The following FERMT3 variants were observed in gnomAD, a reference collection of about 807,000 sequenced individuals.
FERMT3 encodes the protein FERM domain containing kindlin 3.
In FERMT3, 33 loss-of-function variants were observed where a neutral mutation model predicts 80.8. The ratio of observed to expected loss-of-function variants is 0.41; its 90% CI spans 0.31 to 0.55. FERMT3 has a LOEUF of 0.55. Among genes scored for constraint, FERMT3 ranks in the 20% least tolerant of loss-of-function variants. The probability of loss-of-function intolerance (pLI) is 0.31; values close to 1 mark genes in which losing one functional copy is unlikely to be tolerated. For synonymous variants in FERMT3, 375 were observed against 372.2 expected (o/e 1.01, Z -0.09); for missense variants, 754 against 908.7 (o/e 0.83, Z 2.19).
chr11:64,223,873 AT>A lies in FERMT3; in HGVS notation c.*385del. On this transcript the variant is annotated 3_prime_UTR_variant, in exon 15 of 15. Transcript: ENST00000345728. ...TAAAATTTCTTTTTTATAAATTAAT[AT>A]TTTATTGTTGGATCCTCCTCCTTTC... 1.3e-6 allele frequency: 2 copies of A among 1,573,522 alleles called. No homozygotes were observed. Among genetic ancestry groups the A allele is most frequent in the Non-Finnish European group, 8.6e-7 (1 of 1,158,680 alleles).
At position 64,210,476 on chromosome 11, in the gene FERMT3, G is replaced by A. The variant is rs921304172; in HGVS notation, c.161-135G>A. 21 of 882,892 alleles carry A rather than the reference G, an allele frequency of 2.4e-5. No homozygotes were observed. Among genetic ancestry groups the A allele is most frequent in the South Asian group, 7.6e-5 (5 of 65,446 alleles). 54.7% of individuals were successfully genotyped at this position (882,892 alleles called of 1,614,324 possible). A position where few individuals can be genotyped will look rare whatever the true frequency, so the allele number is the denominator to read the frequency against. ...TTACCATGGGGTAGACCCCAGGCCCGCCCAGGCTGCCCCACTCTTGGCTTA... is the reference window on the plus strand; with the variant it reads ...TTACCATGGGGTAGACCCCAGGCCCACCCAGGCTGCCCCACTCTTGGCTTA... On this transcript the variant is annotated intron_variant, in intron 2 of 14. Transcript: ENST00000345728. This position sits in a 1 kb window ranked among gnomAD's most constrained non-coding sequence, Gnocchi z 4.3.
At chr11:64,217,371 G>C (rs1321084496) in intron 6 of FERMT3, among the ~76,000 whole-genome samples, 2 of 152,218 alleles carry the variant, frequency 1.3e-5, no homozygotes, top group Non-Finnish European at 2.9e-5. Context: ...TCAACATGGA[G>C]AAAGCCTGTA....
In FERMT3 at chr11:64,219,826, G is replaced by A. The variant is rs1946635175; in HGVS notation, c.1079+37G>A. 1.2e-6 allele frequency: 2 copies of A among 1,613,870 alleles called. No individual in the cohort carries two copies. The highest frequency in any genetic ancestry group is 2.2e-5 in the East Asian group (1 of 44,892). ...GCCAGAGTAGGCAGCCCTGCTGGAG[G>A]GGTTGGTCTGCATATGGAGGGAGGG... On this transcript the variant is annotated intron_variant, in intron 9 of 14. Transcript: ENST00000345728. This position sits in a 1 kb window ranked among gnomAD's most constrained non-coding sequence, Gnocchi z 4.0.
intron 6 of FERMT3, among the ~76,000 whole-genome samples, chr11:64,214,070 A>G (rs1449718936): frequency 6.6e-6 from 1 of 152,170 alleles, no homozygotes; most frequent in African/African-American, 2.4e-5. Flanking sequence ...TATGGCTGTA[A>G]ATAGTAACAC....
intron 12 of FERMT3, 120 bp from the exon 13 acceptor site, chr11:64,220,896 C>T (rs1414557344): frequency 1.9e-6 from 3 of 1,539,796 alleles, no homozygotes; most frequent in Non-Finnish European, 8.8e-7. Flanking sequence ...TTGGCGGCCC[C>T]ACGTGGGCAC....
At position 64,223,108 on chromosome 11, in the gene FERMT3, C is replaced by T. The variant is rs184609471; in HGVS notation, c.1731C>T (p.Ile577=). Residue 577 remains isoleucine (I), a synonymous_variant, in exon 14 of 15, where the codon ATC becomes ATT. Coordinates refer to ENST00000345728, the MANE Select transcript of FERMT3 (RefSeq NM_031471.6). The part of the protein sequence containing the change: ...LGIANNRLIR[I]DLAVGDVVKT... The stretch of plus-strand genomic sequence containing the variant: ...TCGCCAACAACCGACTGATCCGCAT[C>T]GACTTGGCCGTGGGCGACGTGGTCA... 14 of 1,613,956 alleles carry T rather than the reference C, an allele frequency of 8.7e-6. No individual in the cohort carries two copies. The highest frequency in any genetic ancestry group is 1.7e-5 in the Admixed American group (1 of 60,034).
chr11:64,208,618 C>T (rs1327819563), intron 2 of FERMT3, among the ~76,000 whole-genome samples: 1 of 152,224 alleles, frequency 6.6e-6, no homozygotes, highest in Non-Finnish European at 1.5e-5. Context: ...GGCTGCCGCA[C>T]AGAGGGCGCT....
rs1946649867 is a variant in FERMT3, at chr11:64,220,267, A to G, written c.1252A>G (p.Ile418Val). ...DVNVSGQKFC[I>V]KLLVPSPEGM... ...TAACGTCTCCGGCCAGAAGTTCTGC[A>G]TTAAACTCCTAGTGCCCTCCCCTGA... The change falls in exon 11 of 15, where the codon ATT becomes GTT. Residue 418 changes from isoleucine to valine, a missense_variant. Transcript: ENST00000345728. 1 of 1,613,816 alleles carries G rather than the reference A, an allele frequency of 6.2e-7. No homozygotes were observed. The highest frequency in any genetic ancestry group is 1.1e-5 in the South Asian group (1 of 91,086).
upstream of FERMT3, among the ~76,000 whole-genome samples, chr11:64,206,290 A>G (rs1946309680): frequency 6.6e-6 from 1 of 152,204 alleles, no homozygotes; most frequent in Non-Finnish European, 1.5e-5. Flanking sequence ...TCCTTGGTTG[A>G]TAGGGATAGC....
At chr11:64,217,649 C>T (rs946583144) in intron 6 of FERMT3, among the ~76,000 whole-genome samples, 3 of 152,220 alleles carry the variant, frequency 2.0e-5, no homozygotes, top group African/African-American at 7.2e-5. Context: ...TCAGCATCTC[C>T]AGAGAGTGAG....
chr11:64,221,221 A>C, intron 13 of FERMT3, 81 bp downstream of exon 13: 2 of 1,467,974 alleles, frequency 1.4e-6, no homozygotes, highest in South Asian at 1.1e-5. Flanking sequence ...CCACATCCCA[A>C]GAGTAGGTTC....
In FERMT3 at chr11:64,223,688, G is replaced by A. The variant is rs1591048392; in HGVS notation, c.*196G>A. 3 of 797,784 alleles carry A rather than the reference G, an allele frequency of 3.8e-6. No individual in the cohort carries two copies. The highest frequency in any genetic ancestry group is 6.0e-6 in the Non-Finnish European group (3 of 502,672). The allele number at this position is 797,784 out of a possible 1,614,324, so 49.4% of individuals were successfully genotyped here. On this transcript the variant is annotated 3_prime_UTR_variant, in exon 15 of 15. Coordinates refer to ENST00000345728, the MANE Select transcript of FERMT3 (RefSeq NM_031471.6). ...TACCATCACCCAGGCCAGGGATGGGGGTGGGGGTCCCTGAGCTCATGTGGT... is the reference window on the plus strand; with the variant it reads ...TACCATCACCCAGGCCAGGGATGGGAGTGGGGGTCCCTGAGCTCATGTGGT...
rs560195082 is a variant in FERMT3 at position 64,219,348 on chromosome 11, C to T, written c.884C>T (p.Ala295Val). ...ACCGAGGAGGAGATGATGGTGTTTG[C>T]CGCCCTGCAGGTACCAGGCGGGCCT... Reference protein sequence around the residue: ...DCTEEEMMVFAALQYHINKLS... With the variant: ...DCTEEEMMVFVALQYHINKLS... Residue 295 changes from alanine to valine, a missense_variant, in exon 7 of 15, where the codon GCC becomes GTC. Physicochemically the swap from Ala to Val is moderately conservative, Grantham distance 64. Transcript: ENST00000345728. The surrounding 1 kb of genome is among the most constrained non-coding windows in gnomAD (Gnocchi z 4.0). The T allele has an allele frequency of 6.9e-6, 11 of 1,599,698 alleles. No homozygotes were observed. The South Asian group carries it at 1.0e-4, about 15-fold the overall frequency.
rs750696448 is a variant in FERMT3, at chr11:64,210,570, G to C, written c.161-41G>C. ...GTTGTGCTGGGTGTTGGGGGCACCAGGGAGGAAGGTTGGACCCAGATGTGC... is the reference window on the plus strand; with the variant it reads ...GTTGTGCTGGGTGTTGGGGGCACCACGGAGGAAGGTTGGACCCAGATGTGC... On this transcript the variant is annotated intron_variant, in intron 2 of 14. Coordinates refer to ENST00000345728, the MANE Select transcript of FERMT3 (RefSeq NM_031471.6). The surrounding 1 kb of genome is among the most constrained non-coding windows in gnomAD (Gnocchi z 4.3). The C allele has an allele frequency of 1.3e-6, 2 of 1,588,708 alleles. No individual in the cohort carries two copies. The highest frequency in any genetic ancestry group is 1.7e-6 in the Non-Finnish European group (2 of 1,157,470).
At chr11:64,222,128 A>G (rs1428582799) in intron 13 of FERMT3, among the ~76,000 whole-genome samples, 1 of 150,838 alleles carries the variant, frequency 6.6e-6, no homozygotes. Flanking sequence ...AATCCCAGCT[A>G]CTCGGGAGGC....
At chr11:64,207,312 A>G in intron 1 of FERMT3, 39 bp from the exon 2 acceptor site, 1 of 1,613,456 alleles carries the variant, frequency 6.2e-7, no homozygotes, top group East Asian at 2.2e-5. Context: ...GAGGCCTACC[A>G]GGGCCTGCCC....
chr11:64,206,123 T>A (rs1245545260), upstream of FERMT3, among the ~76,000 whole-genome samples: 1 of 152,176 alleles, frequency 6.6e-6, no homozygotes, highest in Non-Finnish European at 1.5e-5. Context: ...TGTTTGGAGC[T>A]GGGTGACCTG....
In FERMT3 at chr11:64,219,432, G is replaced by A. The variant is rs879148681; in HGVS notation, c.894+74G>A. On this transcript the variant is annotated intron_variant, in intron 7 of 14. Transcript: ENST00000345728. This position sits in a 1 kb window ranked among gnomAD's most constrained non-coding sequence, Gnocchi z 4.0. ...CCCAGGGCAGGAAGGGCCTTCCTGA[G>A]TGGGGGCTACCTCCAGGGAAGCCCG... 91 of 1,559,476 alleles carry A rather than the reference G, an allele frequency of 5.8e-5. No homozygotes were observed. In the South Asian group the frequency reaches 1.0e-3, roughly 18 times the overall value.
chr11:64,216,786 A>T (rs556666108), intron 6 of FERMT3, among the ~76,000 whole-genome samples: 1 of 128,870 alleles, frequency 7.8e-6, no homozygotes, highest in Non-Finnish European at 1.6e-5. Context: ...ACAGAGCGAG[A>T]CTCCATCTCA....
Sources: gnomAD v4.1 joint callset for allele counts (sites outside exome capture counted in the v4.1 genomes callset) on GRCh38, gnomAD v4.1.1 for gene constraint, Gnocchi (gnomAD v3.1) non-coding constraint, MANE v1.5 for transcripts, NCBI Gene and HGNC (gene_info 2026-07-23, HGNC 2026-07-21) for gene names.